The following SLC9D1 variants were observed in gnomAD, a reference collection of about 807,000 sequenced individuals.
The protein encoded by SLC9D1 is putative LAG1-interacting protein.
the SLC9D1 span, chr13:113,501,970 T>A: frequency 2.4e-3 from 2,544 of 1,056,814 alleles, 6 homozygotes; most frequent in Non-Finnish European, 3.3e-3. Context: ...ATGTGATTAA[T>A]GCAGATACCA....
chr13:113,504,652 C>G, the SLC9D1 span: 1 of 152,228 alleles, frequency 6.6e-6, no homozygotes, highest in African/African-American at 2.4e-5. Flanking sequence ...CAGGTTGCTA[C>G]AAATACCCCT....
At chr13:113,534,743 T>C in the SLC9D1 span, 863 of 155,346 alleles carry the variant, frequency 5.6e-3, 4 homozygotes, top group Middle Eastern at 0.013. Flanking sequence ...GGAGCTGTGG[T>C]CGCACCACTG....
chr13:113,534,094 T>C, the SLC9D1 span: 5 of 1,612,638 alleles, frequency 3.1e-6, no homozygotes, highest in Non-Finnish European at 4.2e-6. Context: ...TCAGATTCTT[T>C]TTTCACTAGC....
the SLC9D1 span, chr13:113,510,297 C>T: frequency 1.2e-6 from 2 of 1,614,110 alleles, no homozygotes; most frequent in Admixed American, 3.3e-5. Flanking sequence ...TTGCATTTGG[C>T]TTGCTGTGGG....
chr13:113,548,563 G>C, the SLC9D1 span: 1 of 1,216,412 alleles, frequency 8.2e-7, no homozygotes, highest in Non-Finnish European at 1.1e-6. Context: ...TGGGGGCAGG[G>C]TCCTCCTCCA....
At chr13:113,547,696 A>G in the SLC9D1 span, among the ~76,000 whole-genome samples, 1 of 152,162 alleles carries the variant, frequency 6.6e-6, no homozygotes, top group Admixed American at 6.5e-5. Context: ...CATGCTTTTT[A>G]AAGACTGGAA....
the SLC9D1 span, chr13:113,548,238 T>G: frequency 6.3e-7 from 1 of 1,575,454 alleles, no homozygotes; most frequent in Non-Finnish European, 8.6e-7. Context: ...GGTTCTCTGT[T>G]TCGTGTGTGT....
the SLC9D1 span, among the ~76,000 whole-genome samples, chr13:113,508,257 C>T: frequency 2.8e-4 from 43 of 152,366 alleles, no homozygotes; most frequent in East Asian, 8.1e-3. Context: ...TTGCTACCCA[C>T]CCAGGGCGCA....
chr13:113,530,426 T>C, the SLC9D1 span: 6 of 152,254 alleles, frequency 3.9e-5, no homozygotes, highest in Admixed American at 3.3e-4. Context: ...TAGAAGAACA[T>C]GAATAGAGAC....
At chr13:113,491,473 C>A in the SLC9D1 span, among the ~76,000 whole-genome samples, 1 of 148,044 alleles carries the variant, frequency 6.8e-6, no homozygotes, top group Non-Finnish European at 1.5e-5. Flanking sequence ...TTCTTCCCTT[C>A]CCAGGGGTCC....
the SLC9D1 span, chr13:113,534,078 G>C: frequency 1.9e-6 from 3 of 1,610,240 alleles, no homozygotes; most frequent in Non-Finnish European, 2.5e-6. Flanking sequence ...TCCTGGTTTT[G>C]ATTGGTCAGA....
the SLC9D1 span, among the ~76,000 whole-genome samples, chr13:113,493,817 G>A: frequency 6.6e-5 from 10 of 152,310 alleles, no homozygotes; most frequent in Non-Finnish European, 1.5e-4. Flanking sequence ...ACACAGTACT[G>A]TCTTCAGGAC....
chr13:113,528,914 G>A, the SLC9D1 span: 1 of 152,330 alleles, frequency 6.6e-6, no homozygotes, highest in East Asian at 1.9e-4. Flanking sequence ...GGGTTGTCAT[G>A]CTAGCCGGAG....
chr13:113,496,752 T>C, the SLC9D1 span, among the ~76,000 whole-genome samples: 1 of 152,154 alleles, frequency 6.6e-6, no homozygotes, highest in African/African-American at 2.4e-5. Flanking sequence ...AAATATATTT[T>C]GGGGGAGAGA....
chr13:113,530,148 G>A, the SLC9D1 span: 4 of 152,222 alleles, frequency 2.6e-5, no homozygotes, highest in South Asian at 2.1e-4. Flanking sequence ...TCATACCAAC[G>A]TCCAGACTAG....
At chr13:113,509,671 C>T in the SLC9D1 span, among the ~76,000 whole-genome samples, 29,074 of 152,166 alleles carry the variant, frequency 0.19, 3,751 homozygotes, top group African/African-American at 0.37. Context: ...GAGCACTTCA[C>T]GTGGAATAGG....
chr13:113,522,006 G>T, the SLC9D1 span, among the ~76,000 whole-genome samples: 1 of 152,182 alleles, frequency 6.6e-6, no homozygotes, highest in South Asian at 2.1e-4. Context: ...CCAGATTGAG[G>T]TTCTAGGACC....
At chr13:113,526,003 AGAAGC>A in the SLC9D1 span, among the ~76,000 whole-genome samples, 1 of 139,608 alleles carries the variant, frequency 7.2e-6, no homozygotes, top group African/African-American at 2.9e-5. Flanking sequence ...TTATTCTAGA[AGAAGC>A]CGTCGTCGTC....
the SLC9D1 span, among the ~76,000 whole-genome samples, chr13:113,547,612 G>A: frequency 6.6e-6 from 1 of 152,174 alleles, no homozygotes; most frequent in African/African-American, 2.4e-5. Context: ...GTTTAAAGGG[G>A]GGAACTAACC....
Sources: allele counts gnomAD v4.1 joint callset (sites outside exome capture counted in the v4.1 genomes callset), GRCh38; gene constraint gnomAD v4.1.1; transcripts MANE v1.5; gene names NCBI Gene and HGNC (gene_info 2026-07-23, HGNC 2026-07-21).